The following SPAG16 variants were observed in gnomAD, a reference collection of about 807,000 sequenced individuals.
SPAG16 encodes the protein sperm-associated antigen 16 protein.
SPAG16 carries 86 observed loss-of-function variants against 80.4 expected under a neutral mutation model. That is an observed-to-expected ratio of 1.07 (90% CI 0.90 to 1.28). The LOEUF is 1.28. Ranked by LOEUF, SPAG16 falls within the 50% of genes most tolerant of loss-of-function variation. The pLI is 0.00. For synonymous variants in SPAG16, 294 were observed against 265.9 expected (o/e 1.11, Z -1.03); for missense variants, 870 against 765.3 (o/e 1.14, Z -1.61).
Position 213,574,695 on chromosome 2 carries a change from G to T in SPAG16, c.1070+84605G>T, listed in dbSNP as rs909304663. Among the ~76,000 whole-genome samples the T allele has an allele frequency of 6.2e-5, 9 of 144,126 alleles. 1 individual carries two copies. The highest frequency in any genetic ancestry group is 4.3e-4 in the South Asian group (2 of 4,676). The allele number at this position is 144,126 out of a possible 152,430, so 94.6% of individuals were successfully genotyped here. Reference sequence around the variant, plus strand: ...TATATATGATATATGATATATATATGATATATGATATATGATATATATATA... The same window carrying T: ...TATATATGATATATGATATATATATTATATATGATATATGATATATATATA... On this transcript the variant is annotated intron_variant, in intron 10 of 15. Coordinates refer to ENST00000331683, the MANE Select transcript of SPAG16 (RefSeq NM_024532.5).
At chr2:213,561,817 T>C (rs2059605614) in intron 10 of SPAG16, among the ~76,000 whole-genome samples, 1 of 152,198 alleles carries the variant, frequency 6.6e-6, no homozygotes, top group Non-Finnish European at 1.5e-5. Flanking sequence ...TCCAGCTCTG[T>C]TATCACATTA....
chr2:213,579,806 T>G (rs2060244771), intron 10 of SPAG16, among the ~76,000 whole-genome samples: 1 of 152,160 alleles, frequency 6.6e-6, no homozygotes, highest in Non-Finnish European at 1.5e-5. Context: ...AATTCTCCCC[T>G]GGTATTCCTC....
intron 11 of SPAG16, among the ~76,000 whole-genome samples, chr2:213,924,648 T>TTTTGC (rs1002351123): frequency 2.6e-4 from 39 of 152,292 alleles, no homozygotes; most frequent in African/African-American, 8.7e-4. Context: ...TACTTTTTCA[T>TTTTGC]TTTGCTTTGC....
At chr2:213,945,308 T>C (rs2079399000) in intron 12 of SPAG16, among the ~76,000 whole-genome samples, 1 of 146,278 alleles carries the variant, frequency 6.8e-6, no homozygotes, top group Admixed American at 6.9e-5. Context: ...TACACAAGTA[T>C]ATATATGTGT....
intron 6 of SPAG16, among the ~76,000 whole-genome samples, chr2:213,345,311 T>A (rs933653916): frequency 8.2e-6 from 1 of 121,288 alleles, no homozygotes; most frequent in African/African-American, 3.5e-5. Context: ...TTGCAAAAAT[T>A]TTCTCCCATT....
At chr2:213,729,339 C>G (rs1298250727) in intron 10 of SPAG16, among the ~76,000 whole-genome samples, 1 of 152,150 alleles carries the variant, frequency 6.6e-6, no homozygotes, top group Non-Finnish European at 1.5e-5. Context: ...GATTTACTTC[C>G]CTCAATTCTA....
intron 10 of SPAG16, among the ~76,000 whole-genome samples, chr2:213,836,564 C>G (rs2074095406): frequency 6.6e-6 from 1 of 151,578 alleles, no homozygotes; most frequent in Non-Finnish European, 1.5e-5. Flanking sequence ...TTTTAGCAAC[C>G]CTGATTTTTT....
chr2:213,933,122 A>G (rs2078839969), intron 12 of SPAG16, among the ~76,000 whole-genome samples: 1 of 152,202 alleles, frequency 6.6e-6, no homozygotes. Flanking sequence ...AAACTACAAT[A>G]TAATTATGCT....
chr2:214,174,462 A>C (rs568733541), intron 15 of SPAG16, among the ~76,000 whole-genome samples: 1 of 152,048 alleles, frequency 6.6e-6, no homozygotes, highest in Non-Finnish European at 1.5e-5. Flanking sequence ...CCAAATCATG[A>C]GTGAACTCCC....
chr2:214,252,894 C>T (rs958887471), intron 15 of SPAG16, among the ~76,000 whole-genome samples: 3 of 152,038 alleles, frequency 2.0e-5, no homozygotes, highest in Non-Finnish European at 4.4e-5. Context: ...AATGGTTGAA[C>T]GAGTTTACAG....
At chr2:213,580,488 T>A (rs1215938519) in intron 10 of SPAG16, among the ~76,000 whole-genome samples, 1 of 152,126 alleles carries the variant, frequency 6.6e-6, no homozygotes, top group East Asian at 1.9e-4. Context: ...TTAAATATTG[T>A]ATTACATAAT....
intron 10 of SPAG16, among the ~76,000 whole-genome samples, chr2:213,801,592 G>A (rs79522852): frequency 0.032 from 4,875 of 152,242 alleles, 139 homozygotes; most frequent in Non-Finnish European, 0.042. Context: ...ATGTGCTAAG[G>A]TTGATTTCAA....
chr2:214,287,353 A>G (rs1048898454), intron 15 of SPAG16, among the ~76,000 whole-genome samples: 1 of 152,246 alleles, frequency 6.6e-6, no homozygotes, highest in East Asian at 1.9e-4. Flanking sequence ...AAATGGCATC[A>G]TGAAATAAAA....
At position 214,410,493 on chromosome 2, in the gene SPAG16, T is replaced by C. The variant is rs956494244; in HGVS notation, c.*178T>C. On this transcript the variant is annotated 3_prime_UTR_variant, in exon 16 of 16. Coordinates refer to ENST00000331683, the MANE Select transcript of SPAG16 (RefSeq NM_024532.5). Reference sequence around the variant, plus strand: ...TACTGTTACTAATAAAAAAATAACTTTATGCTCACCCATTTGTGTCAGGGT... The same window carrying C: ...TACTGTTACTAATAAAAAAATAACTCTATGCTCACCCATTTGTGTCAGGGT... The C allele has an allele frequency of 2.3e-5, 11 of 478,254 alleles. No individual in the cohort carries two copies. The Middle Eastern group carries it at 1.7e-3, about 74-fold the overall frequency. The allele number at this position is 478,254 out of a possible 1,614,324, so 29.6% of individuals were successfully genotyped here.
chr2:213,733,725 G>A (rs1316095755), intron 10 of SPAG16, among the ~76,000 whole-genome samples: 1 of 152,046 alleles, frequency 6.6e-6, no homozygotes, highest in Non-Finnish European at 1.5e-5. Context: ...AGTGGCTTCT[G>A]TTTCAAGTGA....
intron 10 of SPAG16, among the ~76,000 whole-genome samples, chr2:213,534,591 G>T (rs182452474): frequency 1.3e-5 from 2 of 152,102 alleles, no homozygotes; most frequent in African/African-American, 2.4e-5. Context: ...AAACACAGAC[G>T]AATCCCAAAA....
At chr2:213,285,734 A>G (rs1191376520) in intron 1 of SPAG16, among the ~76,000 whole-genome samples, 2 of 152,256 alleles carry the variant, frequency 1.3e-5, no homozygotes, top group Non-Finnish European at 2.9e-5. Flanking sequence ...TTTTACAGGA[A>G]TAGAAATTTG....
intron 12 of SPAG16, among the ~76,000 whole-genome samples, chr2:213,977,986 T>G (rs958106502): frequency 2.0e-5 from 3 of 151,984 alleles, no homozygotes; most frequent in African/African-American, 7.2e-5. Context: ...TCTCTACTTT[T>G]TTTTGTTGAG....
chr2:213,857,474 A>G (rs1315907881), intron 10 of SPAG16, among the ~76,000 whole-genome samples: 1 of 152,216 alleles, frequency 6.6e-6, no homozygotes, highest in East Asian at 1.9e-4. Context: ...AAATGTAACA[A>G]CAAAGCCTAG....
Sources: gnomAD v4.1 joint callset for allele counts (sites outside exome capture counted in the v4.1 genomes callset) on GRCh38, gnomAD v4.1.1 for gene constraint, MANE v1.5 for transcripts, NCBI Gene and HGNC (gene_info 2026-07-23, HGNC 2026-07-21) for gene names.